SYNJ1: variants seen among roughly 807,000 people sequenced by gnomAD.
The protein encoded by SYNJ1 is synaptojanin 1, also known as polyphosphatidylinositol phosphatase SYNJ1.
A neutral mutation model predicts 168.2 loss-of-function variants in SYNJ1; 78 were observed. The ratio of observed to expected loss-of-function variants is 0.46; its 90% CI spans 0.39 to 0.56. SYNJ1 has a LOEUF of 0.56. SYNJ1 is among the 20% of genes least tolerant of loss of function. The pLI, the probability that SYNJ1 is intolerant of heterozygous loss-of-function variation, is 0.00. For synonymous variants in SYNJ1, 539 were observed against 548.6 expected (o/e 0.98, Z 0.24); for missense variants, 1,303 against 1,597.6 (o/e 0.82, Z 3.14).
At chr21:32,658,751 A>G (rs1220005717) in intron 18 of SYNJ1, among the ~76,000 whole-genome samples, 1 of 152,102 alleles carries the variant, frequency 6.6e-6, no homozygotes, top group Admixed American at 6.5e-5. Flanking sequence ...CACTTACCAG[A>G]ACTCCCCCTC....
chr21:32,727,838 G>T, intron 1 of SYNJ1, 108 bp downstream of exon 1: 1 of 1,492,012 alleles, frequency 6.7e-7, no homozygotes, highest in South Asian at 1.3e-5. Context: ...GCCCCTCACC[G>T]CTCCCGCTGA....
chr21:32,727,892 G>C (rs1436531004), intron 1 of SYNJ1, 54 bp downstream of exon 1: 5 of 1,527,996 alleles, frequency 3.3e-6, no homozygotes, highest in East Asian at 5.0e-5. Flanking sequence ...CCGCCCGCCC[G>C]GCTGCCCGTG....
rs116092770 is a variant in SYNJ1 at position 32,630,049 on chromosome 21, C to G, written c.*1756G>C. 1 of 152,208 alleles carries G rather than the reference C, an allele frequency of 6.6e-6. No homozygotes were observed. The highest frequency in any genetic ancestry group is 1.5e-5 in the Non-Finnish European group (1 of 68,048). The allele number at this position is 152,208 out of a possible 1,614,324, so 9.4% of individuals were successfully genotyped here. A position where few individuals can be genotyped will look rare whatever the true frequency, so the allele number is the denominator to read the frequency against. On this transcript the variant is annotated 3_prime_UTR_variant, in exon 33 of 33. Coordinates refer to ENST00000674351, the MANE Select transcript of SYNJ1 (RefSeq NM_203446.3). ...GGGAGGGATATGGGCAACGTATACT[C>G]GAACGTACGCAGAGAAGAGAGTACG...
intron 31 of SYNJ1, among the ~76,000 whole-genome samples, chr21:32,637,986 T>A (rs560390690): frequency 6.6e-6 from 1 of 152,378 alleles, no homozygotes; most frequent in East Asian, 1.9e-4. Flanking sequence ...CTATTACTTA[T>A]AAATGTGTTA....
At chr21:32,662,687 C>T (rs2040763200) in intron 18 of SYNJ1, among the ~76,000 whole-genome samples, 1 of 152,056 alleles carries the variant, frequency 6.6e-6, no homozygotes, top group Admixed American at 6.5e-5. Flanking sequence ...GGGAAAAAGG[C>T]TATATGACCA....
chr21:32,686,884 T>A lies in SYNJ1; in HGVS notation c.948+94A>T. On this transcript the variant is annotated intron_variant, in intron 8 of 32. Coordinates refer to ENST00000674351, the MANE Select transcript of SYNJ1 (RefSeq NM_203446.3). Reference sequence around the variant, plus strand: ...AACCTTTTTCTTGGAAGTAATTTACTTCCTGGAAGAATCTGATTACTGTAT... The same window carrying A: ...AACCTTTTTCTTGGAAGTAATTTACATCCTGGAAGAATCTGATTACTGTAT... 4.6e-6 allele frequency: 4 copies of A among 871,312 alleles called. No homozygotes were observed. In the South Asian group the frequency reaches 5.6e-5, roughly 12 times the overall value. 54.0% of individuals were successfully genotyped at this position (871,312 alleles called of 1,614,324 possible).
At position 32,685,772 on chromosome 21, in the gene SYNJ1, T is replaced by TA. The variant is rs1419316294; in HGVS notation, c.1093dup (p.Tyr365LeufsTer6). ...CCTTTGAACTTCACTTCCATTGAAA[T>TA]AAAAAAATCCATAATCTAGAAACTT... On this transcript the variant is annotated frameshift_variant, in exon 9 of 33. Coordinates refer to ENST00000674351, the MANE Select transcript of SYNJ1 (RefSeq NM_203446.3). LOFTEE classifies it high-confidence loss of function. 10 of 1,606,784 alleles carry TA rather than the reference T, an allele frequency of 6.2e-6. No individual in the cohort carries two copies. The highest frequency in any genetic ancestry group is 1.1e-5 in the South Asian group (1 of 89,404).
At chr21:32,656,581 G>T in intron 21 of SYNJ1, 106 bp downstream of exon 21, 1 of 886,886 alleles carries the variant, frequency 1.1e-6, no homozygotes, top group Non-Finnish European at 1.7e-6. Context: ...TAAATAAGGT[G>T]GTATCTTTCT....
At chr21:32,651,149 C>T (rs1274118607) in intron 22 of SYNJ1, among the ~76,000 whole-genome samples, 5 of 152,316 alleles carry the variant, frequency 3.3e-5, no homozygotes, top group African/African-American at 1.2e-4. Context: ...CATTTAAAAC[C>T]CATATTCTTA....
At chr21:32,716,162 T>C (rs1224484557) in intron 2 of SYNJ1, among the ~76,000 whole-genome samples, 1 of 152,220 alleles carries the variant, frequency 6.6e-6, no homozygotes, top group Non-Finnish European at 1.5e-5. Context: ...TTTAAAACTA[T>C]ACTTCCTTTT....
chr21:32,708,867 C>G (rs979082974), intron 2 of SYNJ1, among the ~76,000 whole-genome samples: 2 of 151,530 alleles, frequency 1.3e-5, no homozygotes, highest in Non-Finnish European at 2.9e-5. Flanking sequence ...GCCTGTAATC[C>G]TAACACTTTA....
intron 31 of SYNJ1, among the ~76,000 whole-genome samples, chr21:32,637,305 T>G (rs1056319917): frequency 6.2e-5 from 9 of 145,710 alleles, no homozygotes; most frequent in African/African-American, 2.3e-4. Context: ...ATAAGAAAAA[T>G]TCACGATTCA....
At chr21:32,641,828 CA>C (rs773394984) in intron 29 of SYNJ1, 67 bp downstream of exon 29, 157 of 1,225,582 alleles carry the variant, frequency 1.3e-4, no homozygotes, top group Non-Finnish European at 2.6e-5. Flanking sequence ...TCCAAGGTAA[CA>C]AAACTGACTA....
intron 23 of SYNJ1, among the ~76,000 whole-genome samples, chr21:32,647,168 T>C (rs908626128): frequency 6.6e-6 from 1 of 152,200 alleles, no homozygotes; most frequent in African/African-American, 2.4e-5. Context: ...CCTTGCAACC[T>C]AACTGCCATT....
intron 9 of SYNJ1, among the ~76,000 whole-genome samples, chr21:32,685,035 A>G (rs2041773340): frequency 6.6e-6 from 1 of 151,530 alleles, no homozygotes; most frequent in Admixed American, 6.6e-5. Context: ...AAAAAAAAAC[A>G]GCCGGGAGTG....
upstream of SYNJ1, chr21:32,728,392 G>C (rs2043574203): frequency 4.3e-6 from 1 of 233,578 alleles, no homozygotes. Flanking sequence ...CCTGACGGGA[G>C]AGGAGGAAGG....
chr21:32,651,154 T>G (rs928693743), intron 22 of SYNJ1, among the ~76,000 whole-genome samples: 9 of 152,246 alleles, frequency 5.9e-5, no homozygotes, highest in Non-Finnish European at 1.3e-4. Context: ...AAAACCCATA[T>G]TCTTATAACA....
chr21:32,667,185 C>T (rs1191248417), intron 15 of SYNJ1, among the ~76,000 whole-genome samples: 6 of 151,612 alleles, frequency 4.0e-5, no homozygotes, highest in African/African-American at 1.5e-4. Context: ...TGAGTTGAAT[C>T]CAAAGATGTC....
chr21:32,702,051 C>T lies in SYNJ1; in HGVS notation c.125-4G>A. The T allele has an allele frequency of 1.3e-6, 2 of 1,542,688 alleles. No homozygotes were observed. Among genetic ancestry groups the T allele is most frequent in the African/African-American group, 1.4e-5 (1 of 73,592 alleles). ...ATTGCCTCTTTTTCTGCAGATGCTA[C>T]AAAAAAAAGTTTTAGTTTAAGAAAA... On this transcript the variant is annotated splice_region_variant and splice_polypyrimidine_tract_variant and intron_variant, in intron 2 of 32. Coordinates refer to ENST00000674351, the MANE Select transcript of SYNJ1 (RefSeq NM_203446.3).
Sources: gnomAD v4.1 joint callset for allele counts (sites outside exome capture counted in the v4.1 genomes callset) on GRCh38, gnomAD v4.1.1 for gene constraint, MANE v1.5 for transcripts, NCBI Gene and HGNC (gene_info 2026-07-23, HGNC 2026-07-21) for gene names.